The following CYP7B1 variants were observed in gnomAD, a reference collection of about 807,000 sequenced individuals.
The protein encoded by CYP7B1 is cytochrome P450 family 7 subfamily B member 1.
CYP7B1 carries 29 observed loss-of-function variants against 42.7 expected under a neutral mutation model. The observed-to-expected ratio is 0.68, with a 90% CI of 0.51 to 0.93. The LOEUF is 0.93. CYP7B1 is among the 40% of genes least tolerant of loss of function. The pLI, the probability that CYP7B1 is intolerant of heterozygous loss-of-function variation, is 0.00. For synonymous variants in CYP7B1, 235 were observed against 218.2 expected (o/e 1.08, Z -0.68); for missense variants, 655 against 600.5 (o/e 1.09, Z -0.95).
intron 1 of CYP7B1, among the ~76,000 whole-genome samples, chr8:64,692,343 G>A (rs1005384264): frequency 1.3e-5 from 2 of 152,222 alleles, no homozygotes; most frequent in African/African-American, 4.8e-5. Flanking sequence ...CAGTTTATGA[G>A]AGGGTGGTTA....
chr8:64,698,965 C>T (rs1327015295), intron 1 of CYP7B1, among the ~76,000 whole-genome samples: 2 of 152,154 alleles, frequency 1.3e-5, no homozygotes, highest in African/African-American at 2.4e-5. Flanking sequence ...GCCAGATGCC[C>T]TCTAATCATA....
At chr8:64,778,060 T>C (rs1323766684) in intron 1 of CYP7B1, among the ~76,000 whole-genome samples, 1 of 151,576 alleles carries the variant, frequency 6.6e-6, no homozygotes, top group Non-Finnish European at 1.5e-5. Flanking sequence ...TCCTTACCCT[T>C]CTTCAGTTGA....
Position 64,658,886 on chromosome 8 carries a change from T to G in CYP7B1, c.123-34347A>C, listed in dbSNP as rs111620928. Among the ~76,000 whole-genome samples the G allele has an allele frequency of 3.2e-3, 484 of 152,332 alleles. 8 individuals are homozygous for G. The highest frequency in any genetic ancestry group is 0.011 in the African/African-American group (472 of 41,582). ...ATTCCCTCTTTCAAGTACCTAATTT[T>G]ACACACAGGTTTATCAGTAGGAGAC... is the stretch of plus-strand genomic sequence containing the variant. On this transcript the variant is annotated intron_variant, in intron 1 of 5. Transcript: ENST00000310193.
At chr8:64,598,678 G>A (rs1220859211) in intron 5 of CYP7B1, among the ~76,000 whole-genome samples, 1 of 152,138 alleles carries the variant, frequency 6.6e-6, no homozygotes, top group African/African-American at 2.4e-5. Context: ...GAGGCCCACG[G>A]CAAACACGTG....
chr8:64,780,556 T>C (rs1437247731), intron 1 of CYP7B1, among the ~76,000 whole-genome samples: 1 of 152,098 alleles, frequency 6.6e-6, no homozygotes, highest in East Asian at 1.9e-4. Context: ...TACTTCTACA[T>C]TGAAAAAAAT....
chr8:64,782,032 C>T (rs1165373431), intron 1 of CYP7B1, among the ~76,000 whole-genome samples: 2 of 152,244 alleles, frequency 1.3e-5, no homozygotes, highest in South Asian at 4.1e-4. Flanking sequence ...CGATGATGTT[C>T]ATTTCCATCT....
intron 1 of CYP7B1, among the ~76,000 whole-genome samples, chr8:64,726,876 T>C (rs774730212): frequency 1.3e-4 from 20 of 152,118 alleles, no homozygotes; most frequent in Non-Finnish European, 2.1e-4. Context: ...CCAATTCCTG[T>C]AGCTCTTTGG....
intron 1 of CYP7B1, among the ~76,000 whole-genome samples, chr8:64,750,325 A>G (rs906540978): frequency 1.3e-5 from 2 of 152,176 alleles, no homozygotes; most frequent in African/African-American, 2.4e-5. Flanking sequence ...TACTGACCCA[A>G]ATCCAGTGGT....
At chr8:64,586,999 C>A (rs141830835), downstream of CYP7B1, among the ~76,000 whole-genome samples, 1 of 152,200 alleles carries the variant, frequency 6.6e-6, no homozygotes, top group Admixed American at 6.5e-5. Flanking sequence ...ACAACTCTTA[C>A]GGTGAGAGTC....
chr8:64,725,774 T>C (rs765721174), intron 1 of CYP7B1, among the ~76,000 whole-genome samples: 4 of 152,180 alleles, frequency 2.6e-5, no homozygotes, highest in Non-Finnish European at 5.9e-5. Context: ...ATGAATCCAT[T>C]AGTAACACAC....
At chr8:64,610,517 C>T (rs1805348196) in intron 4 of CYP7B1, among the ~76,000 whole-genome samples, 1 of 152,052 alleles carries the variant, frequency 6.6e-6, no homozygotes, top group Non-Finnish European at 1.5e-5. Context: ...CAAAATAACA[C>T]CCATAATCTT....
chr8:64,602,649 G>A (rs561300017), intron 5 of CYP7B1, among the ~76,000 whole-genome samples: 1 of 152,286 alleles, frequency 6.6e-6, no homozygotes, highest in South Asian at 2.1e-4. Context: ...ACAAAAGGCA[G>A]GTAGTAATGA....
intron 1 of CYP7B1, among the ~76,000 whole-genome samples, chr8:64,759,141 G>C (rs1807850356): frequency 6.6e-6 from 1 of 152,206 alleles, no homozygotes; most frequent in Non-Finnish European, 1.5e-5. Context: ...ACTAGCTATA[G>C]AAATCTGAAT....
chr8:64,650,182 A>C (rs1382318031), intron 1 of CYP7B1, among the ~76,000 whole-genome samples: 3 of 152,204 alleles, frequency 2.0e-5, no homozygotes, highest in Admixed American at 6.5e-5. Flanking sequence ...TCTCTCTAGT[A>C]ATACTCCCAG....
intron 5 of CYP7B1, 56 bp downstream of exon 5, chr8:64,604,626 A>C: frequency 6.2e-7 from 1 of 1,601,600 alleles, no homozygotes; most frequent in Non-Finnish European, 8.5e-7. Flanking sequence ...GGGATGGAAG[A>C]GGAATGTGCC....
intron 1 of CYP7B1, among the ~76,000 whole-genome samples, chr8:64,656,604 C>T (rs1397556686): frequency 3.3e-5 from 5 of 152,198 alleles, no homozygotes; most frequent in Admixed American, 2.6e-4. Flanking sequence ...TCTTATGCAC[C>T]ACCATATCCC....
intron 1 of CYP7B1, among the ~76,000 whole-genome samples, chr8:64,764,443 AAGAT>A (rs1416027619): frequency 6.6e-6 from 1 of 152,154 alleles, no homozygotes; most frequent in Non-Finnish European, 1.5e-5. Flanking sequence ...AAGGAAGAGA[AAGAT>A]AGAAGTAGTA....
chr8:64,668,625 G>A (rs1386155327), intron 1 of CYP7B1, among the ~76,000 whole-genome samples: 2 of 149,924 alleles, frequency 1.3e-5, no homozygotes, highest in East Asian at 3.9e-4. Context: ...ACTTGACATA[G>A]TAGTACATGA....
At chr8:64,723,978 A>G (rs929223841) in intron 1 of CYP7B1, among the ~76,000 whole-genome samples, 9 of 152,192 alleles carry the variant, frequency 5.9e-5, no homozygotes, top group Non-Finnish European at 1.2e-4. Context: ...ACTAACTGGC[A>G]AAATCCCTCC....
Sources: gnomAD v4.1 joint callset for allele counts (sites outside exome capture counted in the v4.1 genomes callset) on GRCh38, gnomAD v4.1.1 for gene constraint, MANE v1.5 for transcripts, NCBI Gene and HGNC (gene_info 2026-07-23, HGNC 2026-07-21) for gene names.